Variants in CTNNA3 observed in about 807,000 individuals in gnomAD.
CTNNA3 encodes the protein catenin alpha 3.
In CTNNA3, 76 loss-of-function variants were observed where a neutral mutation model predicts 95.7. The observed-to-expected ratio is 0.79, with a 90% confidence interval of 0.66 to 0.96. The LOEUF (loss-of-function observed/expected upper bound fraction) is 0.96. Ranked by LOEUF, CTNNA3 falls within the 40% of genes least tolerant of loss-of-function variation. CTNNA3 has a pLI of 0.00. For synonymous variants in CTNNA3, 431 were observed against 374.4 expected (o/e 1.15, Z -1.74); for missense variants, 1,191 against 1,089.8 (o/e 1.09, Z -1.31).
chr10:66,533,223 G>A (rs943505813), intron 10 of CTNNA3, among the ~76,000 whole-genome samples: 2 of 152,030 alleles, frequency 1.3e-5, no homozygotes, highest in African/African-American at 4.8e-5. Flanking sequence ...TCTTTGTCTA[G>A]GGGCATTTGT....
At chr10:66,114,878 CAA>C (rs531726216) in intron 13 of CTNNA3, among the ~76,000 whole-genome samples, 4 of 130,590 alleles carry the variant, frequency 3.1e-5, no homozygotes, top group Admixed American at 7.8e-5. Flanking sequence ...GGCTCCATCT[CAA>C]AAAAAAAAAG....
At chr10:67,401,596 G>A (rs139299250) in intron 5 of CTNNA3, among the ~76,000 whole-genome samples, 12 of 152,176 alleles carry the variant, frequency 7.9e-5, no homozygotes, top group Admixed American at 3.9e-4. Context: ...AGGGAGCCCC[G>A]TGGCCCCAAA....
chr10:67,521,987 A>C, intron 4 of CTNNA3, 26 bp from the exon 5 acceptor site: 1 of 1,598,368 alleles, frequency 6.3e-7, no homozygotes, highest in Non-Finnish European at 8.5e-7. Flanking sequence ...AAAGTAGATC[A>C]TTAGGATAGC....
chr10:66,200,933 T>C (rs2087360692), intron 13 of CTNNA3, among the ~76,000 whole-genome samples: 1 of 152,172 alleles, frequency 6.6e-6, no homozygotes, highest in Non-Finnish European at 1.5e-5. Context: ...TAGATTAGTA[T>C]TTTTCTTATT....
At chr10:66,322,009 A>C (rs2132290823) in intron 12 of CTNNA3, among the ~76,000 whole-genome samples, 1 of 152,260 alleles carries the variant, frequency 6.6e-6, no homozygotes, top group Non-Finnish European at 1.5e-5. Context: ...AAGTGAGACT[A>C]GGTAGACTAG....
chr10:66,474,230 C>T (rs1839241531), intron 11 of CTNNA3, among the ~76,000 whole-genome samples: 1 of 152,036 alleles, frequency 6.6e-6, no homozygotes, highest in African/African-American at 2.4e-5. Context: ...TTCCCCTCTA[C>T]ACTCCCTAGC....
intron 5 of CTNNA3, among the ~76,000 whole-genome samples, chr10:67,262,359 G>A (rs1354743120): frequency 2.0e-5 from 3 of 152,166 alleles, no homozygotes; most frequent in Non-Finnish European, 4.4e-5. Flanking sequence ...AAGTCATGAA[G>A]CAGAACATCC....
chr10:67,347,656 TA>T (rs1842478311), intron 5 of CTNNA3, among the ~76,000 whole-genome samples: 1 of 152,164 alleles, frequency 6.6e-6, no homozygotes, highest in African/African-American at 2.4e-5. Context: ...TTTCAATATT[TA>T]ACATGTTGCT....
intron 15 of CTNNA3, among the ~76,000 whole-genome samples, chr10:66,036,998 G>A (rs1010087395): frequency 1.3e-5 from 2 of 149,552 alleles, no homozygotes; most frequent in Non-Finnish European, 3.0e-5. Context: ...TCAGCCTCCC[G>A]AGTAGCTGGG....
At chr10:67,080,557 T>C (rs2131877793) in intron 7 of CTNNA3, among the ~76,000 whole-genome samples, 1 of 152,338 alleles carries the variant, frequency 6.6e-6, no homozygotes, top group East Asian at 1.9e-4. Context: ...TGCTTAAGCT[T>C]GCTTATTGGA....
At chr10:67,372,330 A>C (rs1279056580) in intron 5 of CTNNA3, among the ~76,000 whole-genome samples, 4 of 152,172 alleles carry the variant, frequency 2.6e-5, no homozygotes, top group Admixed American at 2.6e-4. Context: ...GGTAATGCCT[A>C]GGTTTTCTTC....
intron 12 of CTNNA3, among the ~76,000 whole-genome samples, chr10:66,312,126 T>C (rs2092029525): frequency 6.6e-6 from 1 of 152,222 alleles, no homozygotes; most frequent in Non-Finnish European, 1.5e-5. Context: ...TCTAATTAAT[T>C]GAAATAGATT....
intron 12 of CTNNA3, among the ~76,000 whole-genome samples, chr10:66,363,505 C>T (rs151142217): frequency 6.6e-6 from 1 of 152,254 alleles, no homozygotes; most frequent in African/African-American, 2.4e-5. Context: ...GATGCTGGCA[C>T]CCTGATTTGG....
intron 17 of CTNNA3, among the ~76,000 whole-genome samples, chr10:65,924,596 T>C (rs1478649226): frequency 6.6e-6 from 1 of 152,222 alleles, no homozygotes; most frequent in Non-Finnish European, 1.5e-5. Context: ...TATTTAATAT[T>C]TCTTAGCTCA....
At chr10:66,649,316 A>C (rs1173425192) in intron 9 of CTNNA3, among the ~76,000 whole-genome samples, 3 of 152,158 alleles carry the variant, frequency 2.0e-5, no homozygotes, top group Non-Finnish European at 2.9e-5. Context: ...CATTAATTTG[A>C]ACAAATATCC....
intron 7 of CTNNA3, among the ~76,000 whole-genome samples, chr10:66,787,354 G>A (rs376400830): frequency 3.7e-4 from 56 of 152,182 alleles, no homozygotes; most frequent in African/African-American, 1.3e-3. Context: ...TACTCTATAA[G>A]AGAAAATATT....
At chr10:67,042,819 C>T (rs1055711274) in intron 7 of CTNNA3, among the ~76,000 whole-genome samples, 8 of 151,992 alleles carry the variant, frequency 5.3e-5, no homozygotes, top group East Asian at 1.9e-4. Context: ...AGATAGTCAA[C>T]GAGAGTTAAT....
At chr10:67,320,096 A>G (rs1305629792) in intron 5 of CTNNA3, among the ~76,000 whole-genome samples, 1 of 152,078 alleles carries the variant, frequency 6.6e-6, no homozygotes, top group African/African-American at 2.4e-5. Flanking sequence ...TGAGCCCTTG[A>G]TGGAAATATG....
intron 5 of CTNNA3, among the ~76,000 whole-genome samples, chr10:67,410,644 A>C (rs907075772): frequency 1.3e-5 from 2 of 151,892 alleles, no homozygotes; most frequent in Admixed American, 1.3e-4. Flanking sequence ...AAAAAAAAAA[A>C]AACCCACAGA....
Sources: gnomAD v4.1 joint callset for allele counts (sites outside exome capture counted in the v4.1 genomes callset) on GRCh38, gnomAD v4.1.1 for gene constraint, MANE v1.5 for transcripts, NCBI Gene and HGNC (gene_info 2026-07-23, HGNC 2026-07-21) for gene names.